Variants in SNAPIN observed in about 807,000 individuals in gnomAD.
The protein encoded by SNAPIN is SNAP associated protein, also known as SNARE-associated protein Snapin.
In SNAPIN, 16 loss-of-function variants were observed where a neutral mutation model predicts 15.9. The observed-to-expected ratio is 1.01, with a 90% CI of 0.68 to 1.53. The LOEUF (loss-of-function observed/expected upper bound fraction) is 1.53. SNAPIN is among the 40% of genes most tolerant of loss of function. The probability of loss-of-function intolerance (pLI) is 0.00; values close to 1 mark genes in which losing one functional copy is unlikely to be tolerated. For synonymous variants in SNAPIN, 83 were observed against 76.2 expected (o/e 1.09, Z -0.46); for missense variants, 186 against 180.1 (o/e 1.03, Z -0.19).
At chr1:153,661,150 T>C in intron 3 of SNAPIN, 50 bp from the exon 4 acceptor site, 1 of 1,496,218 alleles carries the variant, frequency 6.7e-7, no homozygotes. Context: ...TCACTTACAC[T>C]CTCAAGCCTT....
Position 153,661,407 on chromosome 1 carries a change from T to A in SNAPIN, c.*106T>A. The A allele has an allele frequency of 1.1e-6, 1 of 873,318 alleles. No individual in the cohort carries two copies. Among genetic ancestry groups the A allele is most frequent in the Non-Finnish European group, 1.8e-6 (1 of 554,948 alleles). The allele number at this position is 873,318 out of a possible 1,614,324, so 54.1% of individuals were successfully genotyped here. ...ACAGTCCCCATAGACCTTCAGACATTAAAAAGGGAGCCGTACAGTTTGTTT... is the reference window on the plus strand; with the variant it reads ...ACAGTCCCCATAGACCTTCAGACATAAAAAAGGGAGCCGTACAGTTTGTTT... On this transcript the variant is annotated 3_prime_UTR_variant, in exon 4 of 4. Coordinates refer to ENST00000368685, the MANE Select transcript of SNAPIN (RefSeq NM_012437.6).
intron 3 of SNAPIN, 114 bp from the exon 4 acceptor site, chr1:153,661,086 C>T (rs1669144514): frequency 1.3e-6 from 1 of 761,304 alleles, no homozygotes. Flanking sequence ...CTTATATATA[C>T]TTTTGAAGAC....
rs1669163246 is a variant in SNAPIN at position 153,661,526 on chromosome 1, C to CT, written c.*227dup. 5.6e-6 allele frequency: 2 copies of CT among 360,100 alleles called. No homozygotes were observed. The highest frequency in any genetic ancestry group is 3.8e-5 in the Admixed American group (1 of 26,112). The allele number at this position is 360,100 out of a possible 1,614,324, so 22.3% of individuals were successfully genotyped here. A position where few individuals can be genotyped will look rare whatever the true frequency, so the allele number is the denominator to read the frequency against. On this transcript the variant is annotated 3_prime_UTR_variant, in exon 4 of 4. Transcript: ENST00000368685. ...CAAAGGACTTACATTAATTATGGCT[C>CT]TTGCTTCCTTTCACAAATGAGCTGA... is the stretch of plus-strand genomic sequence containing the variant.
chr1:153,659,229 C>T lies in SNAPIN; in HGVS notation c.190+45C>T, dbSNP rs760755909. On this transcript the variant is annotated intron_variant, in intron 2 of 3. Coordinates refer to ENST00000368685, the MANE Select transcript of SNAPIN (RefSeq NM_012437.6). ...TACCCGGAATTCTTCAGCCCACTTT[C>T]AGGACCTTAGGTTTTTGCCAACCCC... is the stretch of plus-strand genomic sequence containing the variant. The T allele has an allele frequency of 2.5e-6, 4 of 1,604,768 alleles. No individual in the cohort carries two copies. The South Asian group carries it at 4.4e-5, about 18-fold the overall frequency.
At chr1:153,660,824 AC>A (rs1571331802) in intron 3 of SNAPIN, among the ~76,000 whole-genome samples, 2 of 146,686 alleles carry the variant, frequency 1.4e-5, no homozygotes, top group East Asian at 4.0e-4. Flanking sequence ...TCCCTCTGTC[AC>A]CCAGGCTAGA....
Position 153,660,478 on chromosome 1 carries a change from G to A in SNAPIN, c.310-722G>A, listed in dbSNP as rs970949466. On this transcript the variant is annotated intron_variant, in intron 3 of 3. Coordinates refer to ENST00000368685, the MANE Select transcript of SNAPIN (RefSeq NM_012437.6). ...AGCCTGACCAACATAGAGAAACCCC[G>A]TCTCTACTAAAAATACAAAATTAGC... 5.3e-5 allele frequency among the ~76,000 whole-genome samples: 8 copies of A among 151,734 alleles called. No homozygotes were observed. In the South Asian group the frequency reaches 1.0e-3, roughly 20 times the overall value.
chr1:153,661,365 T>G lies in SNAPIN; in HGVS notation c.*64T>G. ...CCCAGCTGCCTTGTTTCAACAGACA[T>G]GCAAAGATCCTAGGAGACAGTCCCC... On this transcript the variant is annotated 3_prime_UTR_variant, in exon 4 of 4. Coordinates refer to ENST00000368685, the MANE Select transcript of SNAPIN (RefSeq NM_012437.6). The G allele has an allele frequency of 8.0e-7, 1 of 1,255,586 alleles. No homozygotes were observed. Among genetic ancestry groups the G allele is most frequent in the Non-Finnish European group, 1.2e-6 (1 of 864,238 alleles). 77.8% of individuals were successfully genotyped at this position (1,255,586 alleles called of 1,614,324 possible).
intron 1 of SNAPIN, 76 bp downstream of exon 1, chr1:153,658,962 T>C: frequency 1.3e-6 from 2 of 1,597,434 alleles, no homozygotes; most frequent in Non-Finnish European, 1.7e-6. Context: ...GTGTTCTGGC[T>C]GGGAGTGGGC....
At position 153,658,726 on chromosome 1, in the gene SNAPIN, G is replaced by T. The variant is rs960798293; in HGVS notation, c.-18G>T. The T allele has an allele frequency of 6.6e-7, 1 of 1,520,560 alleles. No homozygotes were observed. The highest frequency in any genetic ancestry group is 2.5e-5 in the Admixed American group (1 of 40,598). 94.2% of individuals were successfully genotyped at this position (1,520,560 alleles called of 1,614,324 possible). A position where few individuals can be genotyped will look rare whatever the true frequency, so the allele number is the denominator to read the frequency against. ...CGGCGGCCCTCGCGGCAGGTTTCGG[G>T]CTTCAGGACAATTCGTGATGGCGGG... On this transcript the variant is annotated 5_prime_UTR_variant, in exon 1 of 4. Transcript: ENST00000368685.
At position 153,659,569 on chromosome 1, in the gene SNAPIN, A is replaced by G. The variant is rs779407430; in HGVS notation, c.309+3A>G. On this transcript the variant is annotated splice_donor_region_variant and intron_variant, in intron 3 of 3. Coordinates refer to ENST00000368685, the MANE Select transcript of SNAPIN (RefSeq NM_012437.6). ...ACAACATTCTACAGAATGCTCAGGT[A>G]AAAGAATATCTTACCAACAGTGATT... 6.3e-7 allele frequency: 1 copy of G among 1,591,380 alleles called. No individual in the cohort carries two copies. The highest frequency in any genetic ancestry group is 8.6e-7 in the Non-Finnish European group (1 of 1,159,268).
intron 2 of SNAPIN, 31 bp downstream of exon 2, chr1:153,659,215 C>G: frequency 6.2e-7 from 1 of 1,611,630 alleles, no homozygotes; most frequent in South Asian, 1.1e-5. Context: ...ACCCGGAATT[C>G]TTCAGCCCAC....
intron 3 of SNAPIN, 50 bp downstream of exon 3, chr1:153,659,616 C>A: frequency 7.9e-7 from 1 of 1,272,660 alleles, no homozygotes; most frequent in Non-Finnish European, 1.1e-6. Flanking sequence ...TTTGTAAGTC[C>A]TCAACACAGT....
chr1:153,658,786 C>A lies in SNAPIN; in HGVS notation c.43C>A (p.Pro15Thr), dbSNP rs1428093411. ...CGCCGCTGTATCGGGGGCAGGGACC[C>A]CGGTGGCGGGGCCCACAGGCCGCGA... Reference protein sequence around the residue: ...GSAAVSGAGTPVAGPTGRDLF... With the variant: ...GSAAVSGAGTTVAGPTGRDLF... Residue 15 changes from proline (P) to threonine (T), a missense_variant, in exon 1 of 4, where the codon CCG becomes ACG. Transcript: ENST00000368685. The A allele has an allele frequency of 6.3e-7, 1 of 1,584,790 alleles. No individual in the cohort carries two copies. Among genetic ancestry groups the A allele is most frequent in the African/African-American group, 1.4e-5 (1 of 73,094 alleles).
At chr1:153,661,121 G>T in intron 3 of SNAPIN, 79 bp from the exon 4 acceptor site, 1 of 1,156,854 alleles carries the variant, frequency 8.6e-7, no homozygotes, top group Non-Finnish European at 1.3e-6. Context: ...ATCACGCCCG[G>T]TATTTTTCAG....
chr1:153,659,343 T>C, intron 2 of SNAPIN, 105 bp from the exon 3 acceptor site: 2 of 1,226,178 alleles, frequency 1.6e-6, no homozygotes, highest in Admixed American at 1.7e-5. Flanking sequence ...CTAATGGCTG[T>C]GGCCCGTTTG....
At chr1:153,659,061 T>C (rs1175895875) in intron 1 of SNAPIN, 77 bp from the exon 2 acceptor site, 1 of 1,575,496 alleles carries the variant, frequency 6.3e-7, no homozygotes, top group Non-Finnish European at 8.7e-7. Context: ...CTCTCAGTAC[T>C]TGGTAAATAC....
Position 153,661,512 on chromosome 1 carries a change from C to A in SNAPIN, c.*211C>A. 2.6e-6 allele frequency: 1 copy of A among 387,858 alleles called. No homozygotes were observed. Among genetic ancestry groups the A allele is most frequent in the Non-Finnish European group, 4.8e-6 (1 of 206,976 alleles). 24.0% of individuals were successfully genotyped at this position (387,858 alleles called of 1,614,324 possible). On this transcript the variant is annotated 3_prime_UTR_variant, in exon 4 of 4. Coordinates refer to ENST00000368685, the MANE Select transcript of SNAPIN (RefSeq NM_012437.6). ...CAGAATGAGGTTCCCAAAGGACTTA[C>A]ATTAATTATGGCTCTTGCTTCCTTT...
chr1:153,659,115 G>A, intron 1 of SNAPIN, 23 bp from the exon 2 acceptor site: 1 of 1,613,796 alleles, frequency 6.2e-7, no homozygotes, highest in Non-Finnish European at 8.5e-7. Context: ...GCCTGACCTT[G>A]TAGGCCTTGT....
rs67464033 is a variant in SNAPIN, at chr1:153,659,746, T to TTGTG, written c.309+193_309+196dup. Among the ~76,000 whole-genome samples, 43 of 151,586 alleles carry TTGTG rather than the reference T, an allele frequency of 2.8e-4. 1 individual carries two copies. Among genetic ancestry groups the TTGTG allele is most frequent in the African/African-American group, 1.0e-3 (43 of 41,364 alleles). On this transcript the variant is annotated intron_variant, in intron 3 of 3. Transcript: ENST00000368685. ...TATTCAGTTGCTGCCATTTACATTC[T>TTGTG]TGTGTGTGTGTGTGTGACAGTCTCC...
Sources: allele counts gnomAD v4.1 joint callset (sites outside exome capture counted in the v4.1 genomes callset), GRCh38; gene constraint gnomAD v4.1.1; transcripts MANE v1.5; gene names NCBI Gene and HGNC (gene_info 2026-07-23, HGNC 2026-07-21).